Variants in SFMBT2 observed in about 807,000 individuals in gnomAD.
SFMBT2 encodes scm-like with four MBT domains protein 2.
Under a neutral mutation model 110.1 loss-of-function variants are expected in SFMBT2, and 38 were observed. The observed-to-expected ratio is 0.35, with a 90% CI of 0.27 to 0.45. The LOEUF (loss-of-function observed/expected upper bound fraction) is 0.45. Ranked by LOEUF, SFMBT2 falls within the 20% of genes least tolerant of loss-of-function variation. SFMBT2 has a pLI of 1.00. For missense variants in SFMBT2, 1,011 were observed against 1,094.9 expected (o/e 0.92, Z 1.08); for synonymous variants, 425 against 425.4 (o/e 1.00, Z 0.01).
In SFMBT2 at chr10:7,172,485, C is replaced by T. The variant is rs41302976; in HGVS notation, c.2151+10G>A. Reference sequence around the variant, plus strand: ...GCTACAGGCTGGCAGGTGCCCCGGGCAGAACATACCTCCCCCGAGCCCGCG... The same window carrying T: ...GCTACAGGCTGGCAGGTGCCCCGGGTAGAACATACCTCCCCCGAGCCCGCG... On this transcript the variant is annotated intron_variant, in intron 18 of 20. Coordinates refer to ENST00000397167, the MANE Select transcript of SFMBT2 (RefSeq NM_001387889.1). The surrounding 1 kb of genome is among the most constrained non-coding windows in gnomAD (Gnocchi z 4.6). 125,774 of 1,613,138 alleles carry T rather than the reference C, an allele frequency of 0.078. 5,395 individuals carry two copies. Among genetic ancestry groups the T allele is most frequent in the Admixed American group, 0.09 (5,384 of 59,984 alleles).
chr10:7,287,077 C>CTTTTTTTTTTT (rs761728311), intron 4 of SFMBT2, among the ~76,000 whole-genome samples: 1 of 99,686 alleles, frequency 1.0e-5, no homozygotes, highest in Non-Finnish European at 1.9e-5. Context: ...TTTGAGGCAT[C>CTTTTTTTTTTT]TTTTTTTTTT....
rs115091155 is a variant in SFMBT2 at position 7,297,107 on chromosome 10, G to A, written c.437-11153C>T. Among the ~76,000 whole-genome samples, 659 of 152,208 alleles carry A rather than the reference G, an allele frequency of 4.3e-3. 4 individuals carry two copies. Among genetic ancestry groups the A allele is most frequent in the African/African-American group, 0.015 (615 of 41,528 alleles). ...GAGAATCCTAACACATTGCCCTACCGTTACTTTTCTAAAGGTTCAGCAGGC... is the reference window on the plus strand; with the variant it reads ...GAGAATCCTAACACATTGCCCTACCATTACTTTTCTAAAGGTTCAGCAGGC... On this transcript the variant is annotated intron_variant, in intron 4 of 20. Coordinates refer to ENST00000397167, the MANE Select transcript of SFMBT2 (RefSeq NM_001387889.1).
intron 16 of SFMBT2, among the ~76,000 whole-genome samples, chr10:7,188,220 G>A (rs80250572): frequency 2.1e-3 from 319 of 152,316 alleles, no homozygotes; most frequent in African/African-American, 7.4e-3. Context: ...TGCCAGAAAA[G>A]AGAGCATTTG....
intron 1 of SFMBT2, among the ~76,000 whole-genome samples, chr10:7,384,116 C>A (rs1261980575): frequency 7.1e-6 from 1 of 140,532 alleles, no homozygotes; most frequent in Non-Finnish European, 1.5e-5. Flanking sequence ...GAAGCTGAGG[C>A]AGGAGAATCG....
At chr10:7,207,797 A>T (rs1388222698) in intron 11 of SFMBT2, among the ~76,000 whole-genome samples, 1 of 152,244 alleles carries the variant, frequency 6.6e-6, no homozygotes, top group Non-Finnish European at 1.5e-5. Context: ...TGGGGTCCCA[A>T]TTTAGAGTTA....
chr10:7,405,550 G>A (rs1025035997), intron 1 of SFMBT2, among the ~76,000 whole-genome samples: 3 of 152,260 alleles, frequency 2.0e-5, no homozygotes, highest in Admixed American at 6.5e-5. Context: ...TCACAAGCAC[G>A]GTTGCACATG....
intron 7 of SFMBT2, among the ~76,000 whole-genome samples, chr10:7,259,152 A>G (rs1841121525): frequency 6.6e-6 from 1 of 152,230 alleles, no homozygotes; most frequent in African/African-American, 2.4e-5. Context: ...CACAGAAAGA[A>G]GCAAGAGCTG....
intron 4 of SFMBT2, among the ~76,000 whole-genome samples, chr10:7,327,755 C>G (rs1430361205): frequency 1.3e-5 from 2 of 151,954 alleles, no homozygotes; most frequent in Non-Finnish European, 2.9e-5. Flanking sequence ...ATTTTGCCCC[C>G]AGCATGATGC....
Position 7,171,990 on chromosome 10 carries a change from G to A in SFMBT2, c.2320C>T (p.Pro774Ser). 6.4e-7 allele frequency: 1 copy of A among 1,551,256 alleles called. No homozygotes were observed. Among genetic ancestry groups the A allele is most frequent in the Non-Finnish European group, 8.7e-7 (1 of 1,152,266 alleles). ...RSGSEPVRRP[P>S]PERTRRGRGA... ...CGGCCCCTTCGTGTCCTCTCTGGGG[G>A]TGGCCGGCGCACGGGCTCTGAGCCG... The change falls in exon 19 of 21, where the codon CCC becomes TCC. Residue 774 changes from proline (P) to serine (S), a missense_variant. Pro to Ser is a moderately conservative substitution (Grantham distance 74). This residue lies in a region of SFMBT2 where 979 missense variants were observed against 1,016.1 expected (regional missense o/e 0.96). Coordinates refer to ENST00000397167, the MANE Select transcript of SFMBT2 (RefSeq NM_001387889.1). The surrounding 1 kb of genome is among the most constrained non-coding windows in gnomAD (Gnocchi z 4.9).
intron 9 of SFMBT2, among the ~76,000 whole-genome samples, chr10:7,236,414 AACAATTT>A (rs1840256680): frequency 2.0e-5 from 3 of 152,196 alleles, no homozygotes; most frequent in African/African-American, 7.2e-5. Context: ...ATAAAGTAAT[AACAATTT>A]GTTCAGGGCT....
At chr10:7,346,364 T>A (rs1844110562) in intron 4 of SFMBT2, among the ~76,000 whole-genome samples, 1 of 152,176 alleles carries the variant, frequency 6.6e-6, no homozygotes, top group Admixed American at 6.5e-5. Flanking sequence ...AAAACCAGAT[T>A]GAAACAGAGG....
intron 9 of SFMBT2, among the ~76,000 whole-genome samples, chr10:7,234,422 G>A (rs1840197541): frequency 6.6e-6 from 1 of 152,212 alleles, no homozygotes; most frequent in South Asian, 2.1e-4. Flanking sequence ...ACACAGGTAT[G>A]TGCCCAGGAT....
rs1471068835 is a variant in SFMBT2, at chr10:7,370,387, CAAAA to C, written c.101-16_101-13del. ...GCTTGAGCCTTCTTCTGTTGAAAAA[CAAAA>C]GAACAGAATATCAATACTGGAGTGG... is the stretch of plus-strand genomic sequence containing the variant. On this transcript the variant is annotated splice_polypyrimidine_tract_variant and intron_variant, in intron 2 of 20. Coordinates refer to ENST00000397167, the MANE Select transcript of SFMBT2 (RefSeq NM_001387889.1). 2 of 1,609,094 alleles carry C rather than the reference CAAAA, an allele frequency of 1.2e-6. No individual in the cohort carries two copies. The highest frequency in any genetic ancestry group is 1.7e-6 in the Non-Finnish European group (2 of 1,176,182).
At chr10:7,298,627 A>G (rs1842473730) in intron 4 of SFMBT2, among the ~76,000 whole-genome samples, 1 of 152,182 alleles carries the variant, frequency 6.6e-6, no homozygotes, top group Admixed American at 6.6e-5. Flanking sequence ...ATGTGCGTCT[A>G]TGTGCATGCA....
intron 9 of SFMBT2, among the ~76,000 whole-genome samples, chr10:7,233,402 A>G (rs565208911): frequency 6.6e-6 from 1 of 152,336 alleles, no homozygotes; most frequent in African/African-American, 2.4e-5. Context: ...GAGTGAGGGA[A>G]GAAGGCTCTG....
chr10:7,378,793 G>C (rs1019781800), intron 2 of SFMBT2, among the ~76,000 whole-genome samples: 1 of 151,158 alleles, frequency 6.6e-6, no homozygotes, highest in African/African-American at 2.4e-5. Context: ...GTGTGGGTGT[G>C]TGTGGCTGTG....
intron 4 of SFMBT2, among the ~76,000 whole-genome samples, chr10:7,296,271 A>G (rs1478449268): frequency 6.6e-6 from 1 of 152,210 alleles, no homozygotes; most frequent in Non-Finnish European, 1.5e-5. Flanking sequence ...ATTACCTTCC[A>G]AAGAGTCAGC....
chr10:7,263,168 G>A (rs540420893), intron 7 of SFMBT2, among the ~76,000 whole-genome samples: 2 of 152,272 alleles, frequency 1.3e-5, no homozygotes, highest in South Asian at 2.1e-4. Flanking sequence ...ATGGCACCGA[G>A]ATCACAGAGG....
chr10:7,166,591 A>G (rs927115376), intron 20 of SFMBT2, among the ~76,000 whole-genome samples: 1 of 152,222 alleles, frequency 6.6e-6, no homozygotes, highest in African/African-American at 2.4e-5. Flanking sequence ...TGGACATCCC[A>G]TGAATCTGGA....
Sources: gnomAD v4.1 joint callset for allele counts (sites outside exome capture counted in the v4.1 genomes callset) on GRCh38, gnomAD v4.1.1 for gene constraint, gnomAD v4.1.1 regional missense constraint, Gnocchi (gnomAD v3.1) non-coding constraint, MANE v1.5 for transcripts, NCBI Gene and HGNC (gene_info 2026-07-23, HGNC 2026-07-21) for gene names.